Variants in ZNF354B observed in about 807,000 individuals in gnomAD.
ZNF354B encodes zinc finger protein 354B.
ZNF354B carries 10 observed loss-of-function variants against 12.9 expected under a neutral mutation model. That is an observed-to-expected ratio of 0.77 (90% CI 0.48 to 1.31). The LOEUF is 1.31. Among genes scored for constraint, ZNF354B ranks in the 40% most tolerant of loss-of-function variants. ZNF354B has a pLI of 0.00. For synonymous variants in ZNF354B, 260 were observed against 243.7 expected (o/e 1.07, Z -0.62); for missense variants, 614 against 711.7 (o/e 0.86, Z 1.56).
At chr5:178,879,912 G>A (rs1757693421) in intron 4 of ZNF354B, among the ~76,000 whole-genome samples, 1 of 152,064 alleles carries the variant, frequency 6.6e-6, no homozygotes, top group Non-Finnish European at 1.5e-5. Context: ...TGGATCACGA[G>A]GTCAGGAGAT....
chr5:178,867,645 C>T (rs551306303), intron 4 of ZNF354B, among the ~76,000 whole-genome samples: 71 of 152,280 alleles, frequency 4.7e-4, no homozygotes, highest in African/African-American at 1.5e-3. Context: ...ACCCTGAAAA[C>T]AAGAGTCCAG....
chr5:178,864,671 G>A (rs1196450809), intron 2 of ZNF354B, among the ~76,000 whole-genome samples: 1 of 150,516 alleles, frequency 6.6e-6, no homozygotes, highest in East Asian at 2.0e-4. Context: ...CACCAAGGCT[G>A]GAGTGCAGTG....
chr5:178,872,423 T>G (rs1757578541), intron 4 of ZNF354B, among the ~76,000 whole-genome samples: 1 of 152,220 alleles, frequency 6.6e-6, no homozygotes, highest in Non-Finnish European at 1.5e-5. Context: ...TTTTTGGCAT[T>G]TAAGTATAAT....
intron 2 of ZNF354B, among the ~76,000 whole-genome samples, chr5:178,861,435 C>T (rs143846866): frequency 5.9e-4 from 90 of 152,368 alleles, no homozygotes; most frequent in African/African-American, 2.1e-3. Flanking sequence ...AATACTTTCT[C>T]TTTTCACCCC....
intron 4 of ZNF354B, among the ~76,000 whole-genome samples, chr5:178,870,607 A>G (rs1457317119): frequency 6.6e-6 from 1 of 152,120 alleles, no homozygotes; most frequent in East Asian, 1.9e-4. Flanking sequence ...GCAAGAAGCC[A>G]TCTTGGGTAG....
chr5:178,868,265 C>T (rs924426498), intron 4 of ZNF354B, among the ~76,000 whole-genome samples: 5 of 149,288 alleles, frequency 3.3e-5, no homozygotes, highest in Admixed American at 6.7e-5. Context: ...AGTGGAGGCC[C>T]GAATTTCAGG....
At chr5:178,863,205 G>T (rs181258884) in intron 2 of ZNF354B, among the ~76,000 whole-genome samples, 21 of 152,160 alleles carry the variant, frequency 1.4e-4, no homozygotes, top group African/African-American at 4.8e-4. Context: ...CAGGGTTATG[G>T]TGTAAATTTT....
chr5:178,884,411 A>G lies in ZNF354B; in HGVS notation c.*120A>G, dbSNP rs982916252. 34 of 1,104,156 alleles carry G rather than the reference A, an allele frequency of 3.1e-5. No homozygotes were observed. The highest frequency in any genetic ancestry group is 2.1e-4 in the South Asian group (11 of 51,842). 68.4% of individuals were successfully genotyped at this position (1,104,156 alleles called of 1,614,324 possible). A position where few individuals can be genotyped will look rare whatever the true frequency, so the allele number is the denominator to read the frequency against. ...TAAGTTTTAAGAATAAACTTTAGCT[A>G]TGTAATAACTTATGGGAAAAGCTTT... On this transcript the variant is annotated 3_prime_UTR_variant, in exon 5 of 5. Coordinates refer to ENST00000322434, the MANE Select transcript of ZNF354B (RefSeq NM_058230.3).
intron 4 of ZNF354B, among the ~76,000 whole-genome samples, chr5:178,873,832 A>G (rs190787857): frequency 9.2e-4 from 140 of 151,906 alleles, no homozygotes; most frequent in African/African-American, 2.9e-3. Context: ...CTGTATATCA[A>G]TTTTCTGTGT....
chr5:178,883,730 T>C lies in ZNF354B; in HGVS notation c.1278T>C (p.Asn426=), dbSNP rs147959779. The change falls in exon 5 of 5, where the codon AAT becomes AAC. Residue 426 remains asparagine, a synonymous_variant. Coordinates refer to ENST00000322434, the MANE Select transcript of ZNF354B (RefSeq NM_058230.3). ...GKGFTSISRL[N]RHRIIHTGEK... ...GCTTTACTTCTATTTCACGACTTAATAGACACCGAATAATTCATACTGGAG... is the reference window on the plus strand; with the variant it reads ...GCTTTACTTCTATTTCACGACTTAACAGACACCGAATAATTCATACTGGAG... The C allele has an allele frequency of 1.3e-3, 2,059 of 1,614,154 alleles. 23 individuals carry two copies. The African/African-American group carries it at 0.023, about 18-fold the overall frequency.
chr5:178,884,210 C>G lies in ZNF354B; in HGVS notation c.1758C>G (p.Leu586=). Residue 586 remains leucine, a synonymous_variant, in exon 5 of 5, where the codon CTC becomes CTG. Coordinates refer to ENST00000322434, the MANE Select transcript of ZNF354B (RefSeq NM_058230.3). Reference sequence around the variant, plus strand: ...ATGAATGTAATGCATGTGGGAAACTCTTTAGCCAGAGGTCATCCCTTACTA... The same window carrying G: ...ATGAATGTAATGCATGTGGGAAACTGTTTAGCCAGAGGTCATCCCTTACTA... ...KPYECNACGK[L]FSQRSSLTNH... is the part of the protein sequence containing the mutation. The G allele has an allele frequency of 1.2e-6, 2 of 1,613,892 alleles. No homozygotes were observed. Among genetic ancestry groups the G allele is most frequent in the Non-Finnish European group, 1.7e-6 (2 of 1,179,894 alleles).
intron 2 of ZNF354B, among the ~76,000 whole-genome samples, chr5:178,863,899 G>A (rs1275712179): frequency 6.6e-6 from 1 of 152,018 alleles, no homozygotes; most frequent in Admixed American, 6.5e-5. Flanking sequence ...TTTTGAAATA[G>A]GAGAAAGCTT....
chr5:178,882,448 G>GCCT (rs1178061221), intron 4 of ZNF354B, among the ~76,000 whole-genome samples: 1 of 151,950 alleles, frequency 6.6e-6, no homozygotes, highest in Non-Finnish European at 1.5e-5. Flanking sequence ...AAATTCATAT[G>GCCT]CCTCCTCCTC....
intron 4 of ZNF354B, among the ~76,000 whole-genome samples, chr5:178,870,500 G>A (rs78286803): frequency 0.15 from 22,588 of 152,100 alleles, 2,059 homozygotes; most frequent in African/African-American, 0.25. Context: ...GGCTGGTCTC[G>A]AACTTCTGAC....
intron 2 of ZNF354B, among the ~76,000 whole-genome samples, chr5:178,865,206 C>CAGGACA (rs1341067401): frequency 1.3e-5 from 2 of 152,096 alleles, no homozygotes; most frequent in Non-Finnish European, 2.9e-5. Context: ...GAATGGAGCC[C>CAGGACA]AGGACATCTG....
chr5:178,866,213 C>T lies in ZNF354B; in HGVS notation c.34-31C>T, dbSNP rs111251203. 11,935 of 1,612,372 alleles carry T rather than the reference C, an allele frequency of 7.4e-3. 691 individuals are homozygous for T. In the African/African-American group the frequency reaches 0.14, roughly 18 times the overall value. On this transcript the variant is annotated intron_variant, in intron 2 of 4. Coordinates refer to ENST00000322434, the MANE Select transcript of ZNF354B (RefSeq NM_058230.3). ...CCCCCTCCACTCTGTGAGGGTGGTC[C>T]TGGGTGAGCTGGAACGACTTGTCCT...
chr5:178,867,066 C>G lies in ZNF354B; in HGVS notation c.251C>G (p.Ser84Cys). The change falls in exon 4 of 5, where the codon TCT becomes TGT. Residue 84 changes from serine to cysteine, a missense_variant. Physicochemically the swap from Ser to Cys is moderately radical, Grantham distance 112. Transcript: ENST00000322434. Reference protein sequence around the residue: ...EVEKDSSGVSSLGCKSTPKMT... With the variant: ...EVEKDSSGVSCLGCKSTPKMT... ...GAGAAAGACAGTTCTGGTGTCTCCT[C>G]TCTAGGTAAGTGGGTGGCCCGAGGT... 1.9e-6 allele frequency: 3 copies of G among 1,612,794 alleles called. No individual in the cohort carries two copies. The highest frequency in any genetic ancestry group is 2.5e-6 in the Non-Finnish European group (3 of 1,179,734).
At chr5:178,872,135 C>G (rs1174768274) in intron 4 of ZNF354B, among the ~76,000 whole-genome samples, 1 of 152,180 alleles carries the variant, frequency 6.6e-6, no homozygotes, top group Non-Finnish European at 1.5e-5. Flanking sequence ...GTTCACTGCC[C>G]CTGTTCCCTG....
At chr5:178,875,253 A>G (rs12518703) in intron 4 of ZNF354B, among the ~76,000 whole-genome samples, 4,352 of 152,284 alleles carry the variant, frequency 0.029, 94 homozygotes, top group South Asian at 0.051. Context: ...CTTGGAGGCA[A>G]CAGGGGAAGG....
Sources: allele counts gnomAD v4.1 joint callset (sites outside exome capture counted in the v4.1 genomes callset), GRCh38; gene constraint gnomAD v4.1.1; transcripts MANE v1.5; gene names NCBI Gene and HGNC (gene_info 2026-07-23, HGNC 2026-07-21).